The following TATDN3 variants were observed in gnomAD, a reference collection of about 807,000 sequenced individuals.
The protein encoded by TATDN3 is TatD DNase domain containing 3.
In TATDN3, 29 loss-of-function variants were observed where a neutral mutation model predicts 40.1. The ratio of observed to expected loss-of-function variants is 0.72; its 90% CI spans 0.54 to 0.99. The LOEUF is 0.99. Ranked by LOEUF, TATDN3 falls within the 50% of genes least tolerant of loss-of-function variation. TATDN3 has a pLI of 0.00. For missense variants in TATDN3, 309 were observed against 321.9 expected (o/e 0.96, Z 0.31); for synonymous variants, 105 against 117.0 (o/e 0.90, Z 0.66).
At chr1:212,807,874 T>C (rs759304867) in intron 8 of TATDN3, 26 bp downstream of exon 8, 1 of 1,413,986 alleles carries the variant, frequency 7.1e-7, no homozygotes, top group Non-Finnish European at 9.9e-7. Context: ...GAAACTCATC[T>C]AATACTTATG....
At chr1:212,814,674 G>C (rs1344344736) in intron 9 of TATDN3, among the ~76,000 whole-genome samples, 3 of 152,160 alleles carry the variant, frequency 2.0e-5, no homozygotes, top group Admixed American at 2.0e-4. Flanking sequence ...GCAGAGCAGT[G>C]ACCTTTTACA....
chr1:212,796,009 G>C (rs1661733847), intron 2 of TATDN3, among the ~76,000 whole-genome samples: 2 of 152,170 alleles, frequency 1.3e-5, no homozygotes, highest in Non-Finnish European at 2.9e-5. Context: ...TTAAATTCAT[G>C]TGGTTCTGGA....
At chr1:212,799,331 T>C (rs1662024849) in intron 4 of TATDN3, among the ~76,000 whole-genome samples, 1 of 152,104 alleles carries the variant, frequency 6.6e-6, no homozygotes, top group South Asian at 2.1e-4. Context: ...ACCCCTTGGC[T>C]AAGGTATGAA....
chr1:212,797,114 A>C lies in TATDN3; in HGVS notation c.176A>C (p.Tyr59Ser). The part of the protein sequence containing the change: ...FEKIMQLSER[Y>S]NGFVLPCLGV... The stretch of plus-strand genomic sequence containing the variant: ...CTCAGTTGGTTCTACATTTTTAGGT[A>C]TAATGGGTTTGTCCTGCCATGCTTG... Residue 59 changes from tyrosine (Y) to serine (S), a missense_variant and splice_region_variant, in exon 4 of 10, where the codon TAT becomes TCT. Tyr to Ser is a moderately radical substitution (Grantham distance 144). Transcript: ENST00000366974. 1 of 1,613,880 alleles carries C rather than the reference A, an allele frequency of 6.2e-7. No homozygotes were observed. Among genetic ancestry groups the C allele is most frequent in the African/African-American group, 1.3e-5 (1 of 75,044 alleles).
At position 212,804,609 on chromosome 1, in the gene TATDN3, C is replaced by G. The variant is rs141766504; in HGVS notation, c.445C>G (p.Arg149Gly). The change falls in exon 7 of 10, where the codon CGC (arginine) becomes GGC (glycine). Residue 149 changes from arginine (R) to glycine (G), a missense_variant. Coordinates refer to ENST00000366974, the MANE Select transcript of TATDN3 (RefSeq NM_001042552.3). ...ATCGTTAAACAGAAATGTGCACTCA[C>G]GCTCTGCTGGAAGACCTACCATCAA... is the stretch of plus-strand genomic sequence containing the variant. The part of the protein sequence containing the change: ...RLNLPVNVHS[R>G]SAGRPTINLL... 5.6e-6 allele frequency: 9 copies of G among 1,613,702 alleles called. No homozygotes were observed. Among genetic ancestry groups the G allele is most frequent in the Non-Finnish European group, 7.6e-6 (9 of 1,179,844 alleles).
intron 5 of TATDN3, among the ~76,000 whole-genome samples, 154 bp from the exon 6 acceptor site, chr1:212,804,166 G>T (rs1662324098): frequency 6.6e-6 from 1 of 152,160 alleles, no homozygotes; most frequent in South Asian, 2.1e-4. Context: ...CTGTTTTTGT[G>T]AATATTTTTA....
intron 7 of TATDN3, among the ~76,000 whole-genome samples, chr1:212,806,746 CCATA>C (rs1558083565): frequency 2.7e-4 from 12 of 45,186 alleles, no homozygotes; most frequent in South Asian, 7.6e-4. Flanking sequence ...CTCTCTCTCT[CCATA>C]TATATATATA....
At chr1:212,795,909 A>G (rs1406080826) in intron 2 of TATDN3, among the ~76,000 whole-genome samples, 1 of 152,218 alleles carries the variant, frequency 6.6e-6, no homozygotes, top group African/African-American at 2.4e-5. Flanking sequence ...TAGTGAACTG[A>G]TAGAGACAAG....
At position 212,810,781 on chromosome 1, in the gene TATDN3, AAAC is replaced by A. The variant is rs1430668420; in HGVS notation, c.601-1462_601-1460del. On this transcript the variant is annotated intron_variant, in intron 8 of 9. Transcript: ENST00000366974. Reference sequence around the variant, plus strand: ...AACACTGAATGTGATGAGGGTGGAGAAACAACAGAAATCACTTCCTTGTCAATG... The same window carrying A: ...AACACTGAATGTGATGAGGGTGGAGAAACAGAAATCACTTCCTTGTCAATG... 8.5e-5 allele frequency among the ~76,000 whole-genome samples: 13 copies of A among 152,290 alleles called. No homozygotes were observed. In the East Asian group the frequency reaches 2.3e-3, roughly 27 times the overall value.
At chr1:212,804,264 C>G in intron 5 of TATDN3, 56 bp from the exon 6 acceptor site, 1 of 1,240,952 alleles carries the variant, frequency 8.1e-7, no homozygotes, top group Non-Finnish European at 1.2e-6. Context: ...ATCCAAAGAT[C>G]TCTTTTGAGG....
intron 7 of TATDN3, among the ~76,000 whole-genome samples, chr1:212,805,256 C>T (rs1374370526): frequency 6.9e-6 from 1 of 144,808 alleles, no homozygotes; most frequent in African/African-American, 2.6e-5. Context: ...CCACCGTGCC[C>T]ACCCTATTTT....
At chr1:212,792,064 C>G in intron 1 of TATDN3, 77 bp downstream of exon 1, 1 of 1,460,872 alleles carries the variant, frequency 6.8e-7, no homozygotes, top group African/African-American at 1.4e-5. Flanking sequence ...TTGCTCTCCT[C>G]CCTTGGGACG....
At chr1:212,806,746 CCATATATA>C (rs1461468687) in intron 7 of TATDN3, among the ~76,000 whole-genome samples, 1 of 45,184 alleles carries the variant, frequency 2.2e-5, no homozygotes, top group Non-Finnish European at 3.8e-5. Context: ...CTCTCTCTCT[CCATATATA>C]TATATATATA....
chr1:212,814,957 A>G, intron 9 of TATDN3, 56 bp from the exon 10 acceptor site: 1 of 1,557,298 alleles, frequency 6.4e-7, no homozygotes, highest in South Asian at 1.2e-5. Context: ...ATAGTCTCCA[A>G]GGATCTGCTT....
chr1:212,813,470 A>T (rs1029711093), intron 9 of TATDN3, among the ~76,000 whole-genome samples: 1 of 152,014 alleles, frequency 6.6e-6, no homozygotes, highest in Non-Finnish European at 1.5e-5. Flanking sequence ...AGCAATTATT[A>T]TCCGTTTATT....
At chr1:212,792,129 C>A in intron 1 of TATDN3, 142 bp downstream of exon 1, 1 of 790,586 alleles carries the variant, frequency 1.3e-6, no homozygotes, top group Non-Finnish European at 2.0e-6. Flanking sequence ...CCTTGCCCCT[C>A]ATTTCCCTAT....
At chr1:212,799,144 A>G (rs2359321) in intron 4 of TATDN3, among the ~76,000 whole-genome samples, 139,429 of 152,260 alleles carry the variant, frequency 0.92, 63,841 homozygotes, top group East Asian at 1. Context: ...ATGGCTAGAG[A>G]AAGAGAGGAA....
intron 9 of TATDN3, among the ~76,000 whole-genome samples, chr1:212,813,699 T>G (rs993100368): frequency 2.1e-5 from 3 of 144,614 alleles, no homozygotes; most frequent in Non-Finnish European, 3.2e-5. Flanking sequence ...CCTGGCTACT[T>G]GTTTTTGTTT....
intron 4 of TATDN3, among the ~76,000 whole-genome samples, chr1:212,800,856 T>G (rs925463192): frequency 2.0e-5 from 3 of 151,908 alleles, no homozygotes; most frequent in Non-Finnish European, 4.4e-5. Flanking sequence ...TATAGTAGTA[T>G]TATGCCCAAT....
Sources: gnomAD v4.1 joint callset for allele counts (sites outside exome capture counted in the v4.1 genomes callset) on GRCh38, gnomAD v4.1.1 for gene constraint, MANE v1.5 for transcripts, NCBI Gene and HGNC (gene_info 2026-07-23, HGNC 2026-07-21) for gene names.